LDAH: variants seen among roughly 807,000 people sequenced by gnomAD.
The protein encoded by LDAH is lipid droplet-associated hydrolase.
A neutral mutation model predicts 29.6 loss-of-function variants in LDAH; 26 were observed. That is an observed-to-expected ratio of 0.88 (90% CI 0.64 to 1.22). The LOEUF (loss-of-function observed/expected upper bound fraction) is 1.22, where lower values mean the gene tolerates loss of function less well. Among genes scored for constraint, LDAH ranks in the 50% most tolerant of loss-of-function variants. The pLI is 0.00. For synonymous variants in LDAH, 117 were observed against 133.0 expected (o/e 0.88, Z 0.83); for missense variants, 344 against 387.3 (o/e 0.89, Z 0.94).
chr2:20,754,500 C>CAAAAAAAA (rs61076745), intron 4 of LDAH, among the ~76,000 whole-genome samples: 3 of 77,438 alleles, frequency 3.9e-5, no homozygotes, highest in African/African-American at 5.4e-5. Context: ...ACCCTCGCCA[C>CAAAAAAAA]AAAAAAAAAA....
At chr2:20,805,181 A>G (rs1671975268) in intron 1 of LDAH, among the ~76,000 whole-genome samples, 1 of 152,166 alleles carries the variant, frequency 6.6e-6, no homozygotes, top group Non-Finnish European at 1.5e-5. Context: ...ATTAGCCACA[A>G]AATTAGTGAG....
chr2:20,729,683 G>A (rs914960098), intron 5 of LDAH, among the ~76,000 whole-genome samples: 1 of 152,216 alleles, frequency 6.6e-6, no homozygotes, highest in African/African-American at 2.4e-5. Context: ...GATAGTTGTA[G>A]ATTTACATGC....
intron 4 of LDAH, among the ~76,000 whole-genome samples, chr2:20,755,115 TTGTGTGTCTGTGTTTG>T (rs1558446393): frequency 2.3e-5 from 3 of 131,192 alleles, no homozygotes; most frequent in Admixed American, 1.7e-4. Flanking sequence ...AGAAGAAATA[TTGTGTGTCTGTGTTTG>T]TGTGTGTGTG....
chr2:20,803,941 T>A, intron 1 of LDAH, among the ~76,000 whole-genome samples: 1 of 152,322 alleles, frequency 6.6e-6, no homozygotes, highest in East Asian at 1.9e-4. Context: ...ATATCTCTCA[T>A]GTGTCTGTGC....
chr2:20,822,438 C>CG (rs1020222956), intron 1 of LDAH, among the ~76,000 whole-genome samples: 4 of 152,138 alleles, frequency 2.6e-5, no homozygotes, highest in African/African-American at 9.7e-5. Context: ...CCACGGCGCC[C>CG]GGCCAGGACT....
intron 2 of LDAH, among the ~76,000 whole-genome samples, chr2:20,795,808 T>C (rs758631730): frequency 8.5e-5 from 13 of 152,062 alleles, no homozygotes; most frequent in Non-Finnish European, 1.6e-4. Context: ...GCAAAAGCAA[T>C]GTGATTTAAA....
chr2:20,685,796 C>T lies in LDAH; in HGVS notation c.*1107G>A. 2.0e-6 allele frequency: 2 copies of T among 1,020,118 alleles called. No homozygotes were observed. The highest frequency in any genetic ancestry group is 2.8e-6 in the Non-Finnish European group (2 of 723,528). 63.2% of individuals were successfully genotyped at this position (1,020,118 alleles called of 1,614,324 possible). On this transcript the variant is annotated 3_prime_UTR_variant, in exon 7 of 7. Transcript: ENST00000237822. ...GGGAATATGTGTCTTCTCTGCCATA[C>T]CTCAATGTGTCTAGAGAAGGTGAAT... is the stretch of plus-strand genomic sequence containing the variant.
At chr2:20,705,915 G>A (rs191594688) in intron 5 of LDAH, among the ~76,000 whole-genome samples, 158 of 152,274 alleles carry the variant, frequency 1.0e-3, no homozygotes, top group Admixed American at 3.5e-3. Context: ...CTAGAGTAGT[G>A]CTATGCAATA....
At chr2:20,814,231 G>GT (rs1558504875) in intron 1 of LDAH, among the ~76,000 whole-genome samples, 1 of 17,000 alleles carries the variant, frequency 5.9e-5, no homozygotes, top group African/African-American at 6.4e-5. Context: ...TCTGACAATG[G>GT]GGGGGGGGGG....
chr2:20,813,192 C>CT (rs1299374417), intron 1 of LDAH, among the ~76,000 whole-genome samples: 1 of 152,150 alleles, frequency 6.6e-6, no homozygotes, highest in East Asian at 1.9e-4. Context: ...ATCATGCCTC[C>CT]ACTCTACCTC....
intron 5 of LDAH, among the ~76,000 whole-genome samples, chr2:20,716,512 G>T (rs1169790506): frequency 6.7e-6 from 1 of 149,192 alleles, no homozygotes; most frequent in South Asian, 2.2e-4. Context: ...TCACTCATAG[G>T]TGGGAATTGA....
intron 6 of LDAH, among the ~76,000 whole-genome samples, chr2:20,689,530 T>C (rs1283770438): frequency 6.6e-6 from 1 of 152,182 alleles, no homozygotes; most frequent in Non-Finnish European, 1.5e-5. Context: ...GAAAAACACG[T>C]TTCCCCGGAT....
intron 5 of LDAH, among the ~76,000 whole-genome samples, chr2:20,716,729 C>CATATATATATAT (rs138849399): frequency 8.0e-6 from 1 of 124,498 alleles, no homozygotes; most frequent in Non-Finnish European, 1.7e-5. Flanking sequence ...AGTATATATA[C>CATATATATATAT]ATATATATAT....
intron 5 of LDAH, among the ~76,000 whole-genome samples, chr2:20,718,648 T>C (rs923306034): frequency 7.9e-5 from 12 of 152,128 alleles, no homozygotes; most frequent in African/African-American, 2.9e-4. Context: ...AGTTAAACTA[T>C]ACTCTAGACC....
At chr2:20,688,413 T>C (rs1376289286) in intron 6 of LDAH, among the ~76,000 whole-genome samples, 2 of 152,178 alleles carry the variant, frequency 1.3e-5, no homozygotes, top group Non-Finnish European at 2.9e-5. Context: ...GCATCTTCTA[T>C]GCATGCCAAG....
intron 4 of LDAH, among the ~76,000 whole-genome samples, chr2:20,770,679 C>T (rs1431206564): frequency 6.6e-6 from 1 of 152,184 alleles, no homozygotes; most frequent in Non-Finnish European, 1.5e-5. Context: ...TCTTGGAGCA[C>T]CAACACAATG....
chr2:20,768,419 G>C (rs1279448001), intron 4 of LDAH, among the ~76,000 whole-genome samples: 1 of 152,214 alleles, frequency 6.6e-6, no homozygotes, highest in African/African-American at 2.4e-5. Context: ...TCCAGCTGCA[G>C]CCTCACAGAG....
chr2:20,772,192 G>A (rs1669478295), intron 4 of LDAH, among the ~76,000 whole-genome samples: 1 of 152,184 alleles, frequency 6.6e-6, no homozygotes, highest in Non-Finnish European at 1.5e-5. Context: ...GAACAGATCT[G>A]AAGCAAACAC....
At chr2:20,805,815 A>G (rs1208802524) in intron 1 of LDAH, among the ~76,000 whole-genome samples, 2 of 152,018 alleles carry the variant, frequency 1.3e-5, no homozygotes, top group African/African-American at 4.8e-5. Context: ...TATACTATTT[A>G]TAATACAAAC....
Sources: gnomAD v4.1 joint callset for allele counts (sites outside exome capture counted in the v4.1 genomes callset) on GRCh38, gnomAD v4.1.1 for gene constraint, MANE v1.5 for transcripts, NCBI Gene and HGNC (gene_info 2026-07-23, HGNC 2026-07-21) for gene names.